The following MAGI2 variants were observed in gnomAD, a reference collection of about 807,000 sequenced individuals.
MAGI2 encodes membrane-associated guanylate kinase, WW and PDZ domain-containing protein 2.
In MAGI2, 35 loss-of-function variants were observed where a neutral mutation model predicts 133.3. That is an observed-to-expected ratio of 0.26 (90% CI 0.20 to 0.35). The LOEUF (loss-of-function observed/expected upper bound fraction) is 0.35. Among genes scored for constraint, MAGI2 ranks in the 10% least tolerant of loss-of-function variants. The probability of loss-of-function intolerance (pLI) is 1.00; values close to 1 mark genes in which losing one functional copy is unlikely to be tolerated. For synonymous variants in MAGI2, 729 were observed against 710.6 expected (o/e 1.03, Z -0.41); for missense variants, 1,636 against 1,863.4 (o/e 0.88, Z 2.25).
chr7:78,446,418 A>C (rs1239597448), intron 6 of MAGI2, among the ~76,000 whole-genome samples: 1 of 152,110 alleles, frequency 6.6e-6, no homozygotes, highest in Non-Finnish European at 1.5e-5. Context: ...AGAGGTGTGA[A>C]CAGAAGGATC....
intron 6 of MAGI2, among the ~76,000 whole-genome samples, chr7:78,451,029 T>G (rs1388088858): frequency 6.6e-6 from 1 of 152,072 alleles, no homozygotes; most frequent in Non-Finnish European, 1.5e-5. Context: ...AGTAGTGAAA[T>G]GTTGACATCA....
At chr7:78,757,567 C>A (rs941786367) in intron 2 of MAGI2, among the ~76,000 whole-genome samples, 1 of 152,160 alleles carries the variant, frequency 6.6e-6, no homozygotes, top group African/African-American at 2.4e-5. Flanking sequence ...CTTGAACTCT[C>A]AATGTCACTA....
chr7:78,320,862 A>G (rs1475297084), intron 9 of MAGI2, among the ~76,000 whole-genome samples: 1 of 152,180 alleles, frequency 6.6e-6, no homozygotes, highest in Non-Finnish European at 1.5e-5. Context: ...ATGATGGTAT[A>G]TTTAGAAAAC....
intron 6 of MAGI2, among the ~76,000 whole-genome samples, chr7:78,440,796 C>T (rs7788276): frequency 0.92 from 139,237 of 151,918 alleles, 64,453 homozygotes; most frequent in East Asian, 0.98. Context: ...TACTAAAAGA[C>T]ACAAAAATTA....
At chr7:79,043,479 G>T (rs1229284670) in intron 1 of MAGI2, among the ~76,000 whole-genome samples, 2 of 134,776 alleles carry the variant, frequency 1.5e-5, no homozygotes, top group African/African-American at 5.9e-5. Flanking sequence ...GGAGGTGGAG[G>T]TTGCAGTGAG....
At chr7:78,672,948 T>C (rs1814568367) in intron 2 of MAGI2, among the ~76,000 whole-genome samples, 1 of 152,198 alleles carries the variant, frequency 6.6e-6, no homozygotes, top group Non-Finnish European at 1.5e-5. Context: ...ATGGCTTTTA[T>C]CATGCTTAGC....
intron 2 of MAGI2, among the ~76,000 whole-genome samples, chr7:78,748,909 G>A (rs1405327011): frequency 1.3e-5 from 2 of 152,124 alleles, no homozygotes; most frequent in East Asian, 3.9e-4. Context: ...AGAAAGTTCT[G>A]TGTAAGCATA....
intron 2 of MAGI2, among the ~76,000 whole-genome samples, chr7:78,866,200 AG>A (rs1794539275): frequency 6.6e-6 from 1 of 152,210 alleles, no homozygotes; most frequent in Admixed American, 6.5e-5. Flanking sequence ...ACTGCTTAGA[AG>A]CATCATCATC....
chr7:78,844,031 C>A (rs1584118105), intron 2 of MAGI2, among the ~76,000 whole-genome samples: 1 of 147,754 alleles, frequency 6.8e-6, no homozygotes, highest in East Asian at 2.0e-4. Flanking sequence ...GCAGAAAAAT[C>A]TGAAAGGAAA....
intron 15 of MAGI2, among the ~76,000 whole-genome samples, chr7:78,160,498 C>T (rs1214500043): frequency 1.3e-5 from 2 of 152,174 alleles, no homozygotes; most frequent in African/African-American, 2.4e-5. Flanking sequence ...GGTGAAACCC[C>T]TCATCAGCCT....
intron 2 of MAGI2, among the ~76,000 whole-genome samples, chr7:78,711,298 G>T (rs56934764): frequency 1.3e-5 from 2 of 152,110 alleles, no homozygotes; most frequent in Admixed American, 6.6e-5. Flanking sequence ...AGTTTCAGAA[G>T]AGTATATATA....
At chr7:78,550,269 G>C (rs1185022790) in intron 3 of MAGI2, among the ~76,000 whole-genome samples, 1 of 152,100 alleles carries the variant, frequency 6.6e-6, no homozygotes, top group Non-Finnish European at 1.5e-5. Flanking sequence ...ATGATCTTTT[G>C]TTCAGGCACC....
intron 1 of MAGI2, among the ~76,000 whole-genome samples, chr7:79,302,171 A>G (rs1230106834): frequency 3.9e-5 from 6 of 152,256 alleles, no homozygotes; most frequent in African/African-American, 1.4e-4. Context: ...CATAAGAACC[A>G]GCAATAACTG....
chr7:79,387,437 A>T (rs1844271646), intron 1 of MAGI2, among the ~76,000 whole-genome samples: 1 of 152,048 alleles, frequency 6.6e-6, no homozygotes. Flanking sequence ...AATTCTAAAA[A>T]ATCAACACTA....
chr7:78,024,151 A>G (rs1439091928), intron 21 of MAGI2, among the ~76,000 whole-genome samples: 1 of 152,182 alleles, frequency 6.6e-6, no homozygotes, highest in East Asian at 1.9e-4. Context: ...GGTTGTCAGG[A>G]CACCCCATTC....
intron 1 of MAGI2, among the ~76,000 whole-genome samples, chr7:79,345,258 C>T (rs1231643781): frequency 1.3e-5 from 2 of 152,054 alleles, no homozygotes; most frequent in African/African-American, 2.4e-5. Flanking sequence ...ATCAGGCTAA[C>T]ACCATGTGAA....
chr7:78,845,100 C>G (rs1217953735), intron 2 of MAGI2, among the ~76,000 whole-genome samples: 2 of 151,880 alleles, frequency 1.3e-5, no homozygotes, highest in Non-Finnish European at 2.9e-5. Flanking sequence ...CCCCTGGAAA[C>G]TTGAGGTTTT....
rs767352798 is a variant in MAGI2, at chr7:78,256,155, G to C, written c.1835C>G (p.Ala612Gly). Residue 612 changes from alanine to glycine, a missense_variant, in exon 10 of 22, where the codon GCC (alanine) becomes GGC (glycine). Transcript: ENST00000354212. ...ELMTLTIVKGAQGFGFTIADS... is the reference protein window; with the variant it reads ...ELMTLTIVKGGQGFGFTIADS... The stretch of plus-strand genomic sequence containing the variant: ...GGCAATAGTGAAGCCGAAGCCCTGG[G>C]CACCTTTCACAATGGTTAAGGTCAT... 1 of 1,613,890 alleles carries C rather than the reference G, an allele frequency of 6.2e-7. No homozygotes were observed. Among genetic ancestry groups the C allele is most frequent in the Admixed American group, 1.7e-5 (1 of 60,016 alleles).
chr7:78,402,593 T>C (rs1158111270), intron 6 of MAGI2, among the ~76,000 whole-genome samples: 4 of 152,224 alleles, frequency 2.6e-5, no homozygotes, highest in Non-Finnish European at 2.9e-5. Context: ...ATATTAAGTA[T>C]TTGCTGTTGC....
Sources: gnomAD v4.1 joint callset for allele counts (sites outside exome capture counted in the v4.1 genomes callset) on GRCh38, gnomAD v4.1.1 for gene constraint, MANE v1.5 for transcripts, NCBI Gene and HGNC (gene_info 2026-07-23, HGNC 2026-07-21) for gene names.